The following ABCG1 variants were observed in gnomAD, a reference collection of about 807,000 sequenced individuals.
ABCG1 encodes the protein ATP-binding cassette sub-family G member 1.
In ABCG1, 29 loss-of-function variants were observed where a neutral mutation model predicts 69.2. That is an observed-to-expected ratio of 0.42 (90% confidence interval 0.31 to 0.57). The LOEUF is 0.57. Among genes scored for constraint, ABCG1 ranks in the 20% least tolerant of loss-of-function variants. ABCG1 has a pLI of 0.15. For synonymous variants in ABCG1, 370 were observed against 374.8 expected, an observed-to-expected ratio of 0.99 and a Z score of 0.15; for missense variants, 718 against 898.1, an observed-to-expected ratio of 0.80 and a Z score of 2.56.
At chr21:42,259,177 A>G in intron 2 of ABCG1, 3 of 1,384,540 alleles carry the variant, frequency 2.2e-6, no homozygotes, top group East Asian at 2.6e-5. Flanking sequence ...TCTTGGTGTG[A>G]GAGAGACGAC....
Position 42,287,858 on chromosome 21 carries a change from C to T in ABCG1, c.974-31C>T, listed in dbSNP as rs369685789. The T allele has an allele frequency of 6.5e-7, 1 of 1,528,236 alleles. No homozygotes were observed. Among genetic ancestry groups the T allele is most frequent in the African/African-American group, 1.4e-5 (1 of 72,018 alleles). The allele number at this position is 1,528,236 out of a possible 1,614,324, so 94.7% of individuals were successfully genotyped here. ...GTGGTTGGGGTGTCCTTCCTGGAGC[C>T]CGGGCTGACCCCCGTCTGTGTCTCC... On this transcript the variant is annotated intron_variant, in intron 8 of 14. Transcript: ENST00000398449. The surrounding 1 kb of genome is among the most constrained non-coding windows in gnomAD (Gnocchi z 6.2).
At chr21:42,260,385 G>A (rs986669253) in intron 2 of ABCG1, among the ~76,000 whole-genome samples, 15 of 152,210 alleles carry the variant, frequency 9.9e-5, no homozygotes, top group African/African-American at 2.4e-4. Flanking sequence ...AACACAAGCC[G>A]GGGAGCCTGA....
At chr21:42,253,164 G>A (rs1378818200) in intron 2 of ABCG1, among the ~76,000 whole-genome samples, 1 of 152,196 alleles carries the variant, frequency 6.6e-6, no homozygotes, top group East Asian at 1.9e-4. Flanking sequence ...GCACCTGCCT[G>A]GCCCTGCATC....
chr21:42,224,317 C>T (rs112704798), intron 1 of ABCG1, among the ~76,000 whole-genome samples: 4,665 of 152,306 alleles, frequency 0.031, 129 homozygotes, highest in Middle Eastern at 0.058. Flanking sequence ...CGTAGCAGCT[C>T]CTCCAAGAGG....
At chr21:42,220,548 G>C (rs1413226957) in intron 1 of ABCG1, among the ~76,000 whole-genome samples, 5 of 152,244 alleles carry the variant, frequency 3.3e-5, no homozygotes, top group Non-Finnish European at 5.9e-5. Context: ...TTGTGTAAAC[G>C]ATAGAATGGG....
chr21:42,263,874 G>A (rs568757326), intron 2 of ABCG1, among the ~76,000 whole-genome samples: 13 of 152,354 alleles, frequency 8.5e-5, no homozygotes, highest in African/African-American at 1.9e-4. Context: ...AGGCCACGGC[G>A]TTGCCTGAGA....
chr21:42,201,419 G>T (rs1347635348), intron 1 of ABCG1, among the ~76,000 whole-genome samples: 3 of 152,208 alleles, frequency 2.0e-5, no homozygotes, highest in Non-Finnish European at 4.4e-5. Flanking sequence ...AAGCTCCCTC[G>T]CTTGCCGCTC....
chr21:42,244,659 G>A (rs1284517290), intron 2 of ABCG1, among the ~76,000 whole-genome samples: 3 of 152,158 alleles, frequency 2.0e-5, no homozygotes, highest in Non-Finnish European at 4.4e-5. Flanking sequence ...AATTATACCT[G>A]GAACAGGCAC....
intron 2 of ABCG1, among the ~76,000 whole-genome samples, chr21:42,254,065 G>A (rs1453024295): frequency 6.6e-6 from 1 of 152,104 alleles, no homozygotes; most frequent in African/African-American, 2.4e-5. Context: ...GGAGGCTGGT[G>A]GAGGAAAGGG....
rs533505951 is a variant in ABCG1 at position 42,284,207 on chromosome 21, G to A, written c.735-353G>A. 9.6e-5 allele frequency among the ~76,000 whole-genome samples: 10 copies of A among 104,326 alleles called. No individual in the cohort carries two copies. The South Asian group carries it at 1.2e-3, about 12-fold the overall frequency. The allele number at this position is 104,326 out of a possible 152,430, so 68.4% of individuals were successfully genotyped here. A position where few individuals can be genotyped will look rare whatever the true frequency, so the allele number is the denominator to read the frequency against. On this transcript the variant is annotated intron_variant, in intron 6 of 14. Coordinates refer to ENST00000398449, the MANE Select transcript of ABCG1 (RefSeq NM_016818.3). The stretch of plus-strand genomic sequence containing the variant: ...GCCTGGACAGTTGCAAAGTCCCCCC[G>A]CCCAGATGAGTGGGGACCCCCCCAC...
rs1015922514 is a variant in ABCG1 at position 42,276,722 on chromosome 21, C to T, written c.538-173C>T. 7.4e-5 allele frequency: 48 copies of T among 651,972 alleles called. No individual in the cohort carries two copies. Among genetic ancestry groups the T allele is most frequent in the Non-Finnish European group, 8.1e-5 (30 of 371,220 alleles). The allele number at this position is 651,972 out of a possible 1,614,324, so 40.4% of individuals were successfully genotyped here. A position where few individuals can be genotyped will look rare whatever the true frequency, so the allele number is the denominator to read the frequency against. Reference sequence around the variant, plus strand: ...CTAGTGGCACCGTGGCTAGCTGCACCGTGGCTAGCGGCATTGTGGCTAGCT... The same window carrying T: ...CTAGTGGCACCGTGGCTAGCTGCACTGTGGCTAGCGGCATTGTGGCTAGCT... On this transcript the variant is annotated intron_variant, in intron 4 of 14. Coordinates refer to ENST00000398449, the MANE Select transcript of ABCG1 (RefSeq NM_016818.3). This position sits in a 1 kb window ranked among gnomAD's most constrained non-coding sequence, Gnocchi z 5.3.
chr21:42,284,230 C>A (rs1272185134), intron 6 of ABCG1, among the ~76,000 whole-genome samples: 1 of 148,504 alleles, frequency 6.7e-6, no homozygotes, highest in South Asian at 2.2e-4. Context: ...GGGACCCCCC[C>A]ACCTCTGTCC....
At chr21:42,221,660 G>C (rs2067729477) in intron 1 of ABCG1, among the ~76,000 whole-genome samples, 1 of 152,238 alleles carries the variant, frequency 6.6e-6, no homozygotes, top group African/African-American at 2.4e-5. Context: ...CTCTTGGTCA[G>C]TGCATTTTCC....
intron 5 of ABCG1, 37 bp from the exon 6 acceptor site, chr21:42,282,237 G>A (rs565882894): frequency 1.4e-5 from 23 of 1,597,024 alleles, no homozygotes; most frequent in South Asian, 9.0e-5. Context: ...GAGCTTTGGC[G>A]GGCAGCTCCC....
chr21:42,269,044 G>A (rs978587904), intron 2 of ABCG1, among the ~76,000 whole-genome samples: 7 of 152,166 alleles, frequency 4.6e-5, no homozygotes, highest in African/African-American at 9.7e-5. Flanking sequence ...CTCAGAGCCC[G>A]AGGCATGAAC....
chr21:42,283,837 T>TA (rs1555961771), intron 6 of ABCG1, among the ~76,000 whole-genome samples: 13 of 38,824 alleles, frequency 3.3e-4, no homozygotes, highest in Non-Finnish European at 5.0e-4. Context: ...AGTTGCAAAG[T>TA]CCCCCCGCCC....
chr21:42,215,408 A>G (rs1434249129), upstream of ABCG1, among the ~76,000 whole-genome samples: 1 of 152,248 alleles, frequency 6.6e-6, no homozygotes, highest in Non-Finnish European at 1.5e-5. Context: ...AAAATGGGAC[A>G]CCATAGGGAA....
chr21:42,296,578 C>T lies in ABCG1; in HGVS notation c.*186C>T. The stretch of plus-strand genomic sequence containing the variant: ...GCCCAGCTGGGTTGGATCTTCTCTC[C>T]ATTCCCCTTTCTAGCTTTAACTAGG... On this transcript the variant is annotated 3_prime_UTR_variant, in exon 15 of 15. Transcript: ENST00000398449. This position sits in a 1 kb window ranked among gnomAD's most constrained non-coding sequence, Gnocchi z 5.4. 5.1e-6 allele frequency: 3 copies of T among 593,464 alleles called. No individual in the cohort carries two copies. Among genetic ancestry groups the T allele is most frequent in the Non-Finnish European group, 9.0e-6 (3 of 332,350 alleles). 36.8% of individuals were successfully genotyped at this position (593,464 alleles called of 1,614,324 possible).
At position 42,255,158 on chromosome 21, in the gene ABCG1, G is replaced by A. The variant is rs1488627054; in HGVS notation, c.287-15912G>A. 3.3e-5 allele frequency among the ~76,000 whole-genome samples: 5 copies of A among 152,266 alleles called. No individual in the cohort carries two copies. The East Asian group carries it at 9.6e-4, about 29-fold the overall frequency. On this transcript the variant is annotated intron_variant, in intron 2 of 14. Transcript: ENST00000398449. Reference sequence around the variant, plus strand: ...TCATGCCTGACAGGCAGATGTAAATGATTTCCAGTTATATTTCAGTACCTG... The same window carrying A: ...TCATGCCTGACAGGCAGATGTAAATAATTTCCAGTTATATTTCAGTACCTG...
Sources: allele counts gnomAD v4.1 joint callset (sites outside exome capture counted in the v4.1 genomes callset), GRCh38; gene constraint gnomAD v4.1.1; non-coding constraint Gnocchi (gnomAD v3.1); transcripts MANE v1.5; gene names NCBI Gene and HGNC (gene_info 2026-07-23, HGNC 2026-07-21).